Variants in PCA3 observed in about 807,000 individuals in gnomAD.
PCA3 encodes prostate cancer associated 3.
intron 2 of PCA3, among the ~76,000 whole-genome samples, chr9:76,774,637 T>C (rs1423804635): frequency 6.6e-6 from 1 of 151,842 alleles, no homozygotes; most frequent in Non-Finnish European, 1.5e-5. Context: ...TTTTGTGCTT[T>C]TAGTAGAGAT....
In PCA3 at chr9:76,780,685, C is replaced by T. The variant is rs545555955; in HGVS notation, n.853-27898C>T. 4.6e-5 allele frequency among the ~76,000 whole-genome samples: 7 copies of T among 152,044 alleles called. 1 individual carries two copies. In the South Asian group the frequency reaches 6.2e-4, roughly 14 times the overall value. Reference sequence around the variant, plus strand: ...CAGCCTGGGCGACAGAGCAAGACTCCGTCTCAAAAACAAACAAACAAACAA... The same window carrying T: ...CAGCCTGGGCGACAGAGCAAGACTCTGTCTCAAAAACAAACAAACAAACAA... On this transcript the variant is annotated intron_variant and non_coding_transcript_variant, in intron 2 of 5. Coordinates refer to ENST00000644657, the Ensembl canonical transcript of PCA3.
chr9:76,780,246 CAT>C (rs993857128), intron 2 of PCA3, among the ~76,000 whole-genome samples: 5 of 152,122 alleles, frequency 3.3e-5, no homozygotes, highest in African/African-American at 1.2e-4. Context: ...CCAGTAAACT[CAT>C]AATGAAGCAG....
rs377017118 is a variant in PCA3 at position 76,781,952 on chromosome 9, C to T, written n.853-26631C>T. 2.9e-4 allele frequency among the ~76,000 whole-genome samples: 44 copies of T among 152,194 alleles called. 1 individual carries two copies. In the South Asian group the frequency reaches 8.9e-3, roughly 31 times the overall value. ...AAGCCTGGCCGGGCGCGGTGGCTCA[C>T]GCCTGTAATCCCAGCACTTTGGGAG... On this transcript the variant is annotated intron_variant and non_coding_transcript_variant, in intron 2 of 5. Coordinates refer to ENST00000644657, the Ensembl canonical transcript of PCA3.
At chr9:76,779,726 CA>C (rs2054169599) in intron 2 of PCA3, 1 of 152,214 alleles carries the variant, frequency 6.6e-6, no homozygotes. Flanking sequence ...ATTTACTGTA[CA>C]GTTCATCAAC....
chr9:76,783,109 C>T (rs1183815078), intron 2 of PCA3, among the ~76,000 whole-genome samples: 1 of 152,108 alleles, frequency 6.6e-6, no homozygotes, highest in Non-Finnish European at 1.5e-5. Flanking sequence ...ACTTGATTAA[C>T]ATCAGTTGTA....
intron 2 of PCA3, among the ~76,000 whole-genome samples, chr9:76,765,486 AAT>A (rs2052250005): frequency 6.6e-6 from 1 of 152,246 alleles, no homozygotes; most frequent in Non-Finnish European, 1.5e-5. Flanking sequence ...AGGCATACAG[AAT>A]AGAGACAGGC....
chr9:76,781,134 A>ACCATGGTCACCTCTC (rs1312207889), intron 2 of PCA3, among the ~76,000 whole-genome samples: 3 of 152,020 alleles, frequency 2.0e-5, no homozygotes, highest in African/African-American at 7.3e-5. Context: ...CCTACTTCAA[A>ACCATGGTCACCTCTC]CCATGGTCAC....
At chr9:76,785,627 T>C (rs2054894952) in intron 2 of PCA3, 1 of 152,184 alleles carries the variant, frequency 6.6e-6, no homozygotes, top group Non-Finnish European at 1.5e-5. Flanking sequence ...GTGTTTGTCC[T>C]TGTAGTTAAT....
intron 2 of PCA3, among the ~76,000 whole-genome samples, chr9:76,770,381 G>A (rs546740533): frequency 1.8e-4 from 27 of 152,100 alleles, no homozygotes; most frequent in African/African-American, 6.5e-4. Context: ...AAGTGATAAA[G>A]TTTCTTTTTG....
chr9:76,785,446 A>G (rs2054878175), intron 2 of PCA3: 1 of 152,218 alleles, frequency 6.6e-6, no homozygotes, highest in Admixed American at 6.5e-5. Flanking sequence ...AGGGAACCTC[A>G]TAGTATCTTA....
At chr9:76,767,620 C>T (rs537719442) in intron 2 of PCA3, among the ~76,000 whole-genome samples, 1 of 152,250 alleles carries the variant, frequency 6.6e-6, no homozygotes, top group Admixed American at 6.5e-5. Flanking sequence ...TGTTTCCCTA[C>T]CTTCTTTGTT....
intron 2 of PCA3, among the ~76,000 whole-genome samples, chr9:76,769,670 C>A (rs2052875514): frequency 6.6e-6 from 1 of 152,184 alleles, no homozygotes; most frequent in South Asian, 2.1e-4. Context: ...GGTGATCCGC[C>A]CGCCTCAGGC....
In PCA3 at chr9:76,768,124, A is replaced by G. The variant is rs540134711; in HGVS notation, n.852+31509A>G. On this transcript the variant is annotated intron_variant and non_coding_transcript_variant, in intron 2 of 5. Transcript: ENST00000644657. ...ACGGCTGCCTGGTGAGGAGGATCACATAAGTCTAATTCCCCTCCCCAGAAA... is the reference window on the plus strand; with the variant it reads ...ACGGCTGCCTGGTGAGGAGGATCACGTAAGTCTAATTCCCCTCCCCAGAAA... Among the ~76,000 whole-genome samples, 5 of 152,062 alleles carry G rather than the reference A, an allele frequency of 3.3e-5. No homozygotes were observed. The East Asian group carries it at 9.7e-4, about 29-fold the overall frequency.
intron 2 of PCA3, among the ~76,000 whole-genome samples, chr9:76,776,892 AT>A (rs1187144423): frequency 4.6e-5 from 4 of 86,504 alleles, no homozygotes; most frequent in African/African-American, 2.9e-4. Flanking sequence ...ACCAAAACAC[AT>A]ACACACACAC....
chr9:76,774,450 C>CCTT (rs2053467196), intron 2 of PCA3, among the ~76,000 whole-genome samples: 1 of 41,402 alleles, frequency 2.4e-5, no homozygotes, highest in African/African-American at 1.9e-4. Flanking sequence ...CAGTTCAACC[C>CCTT]TTTTTTTTTT....
intron 2 of PCA3, among the ~76,000 whole-genome samples, chr9:76,779,388 C>T (rs1342954440): frequency 7.9e-5 from 12 of 152,108 alleles, no homozygotes; most frequent in African/African-American, 1.9e-4. Flanking sequence ...CCAAAGCCAA[C>T]GTCGAATTTT....
chr9:76,780,458 C>T (rs367923084), intron 2 of PCA3, among the ~76,000 whole-genome samples: 4 of 152,128 alleles, frequency 2.6e-5, no homozygotes, highest in African/African-American at 9.6e-5. Context: ...GAGGCCGAGG[C>T]GGGCGGATCA....
At chr9:76,768,607 GTGTGTGTGTGTGTGTGTA>G (rs2052726418) in intron 2 of PCA3, among the ~76,000 whole-genome samples, 5 of 151,412 alleles carry the variant, frequency 3.3e-5, no homozygotes, top group Admixed American at 6.6e-5. Context: ...GTGTGTGTGT[GTGTGTGTGTGTGTGTGTA>G]TATCCCTGCT....
chr9:76,764,538 G>C (rs1005127200), intron 2 of PCA3: 6 of 152,274 alleles, frequency 3.9e-5, no homozygotes, highest in Admixed American at 3.3e-4. Flanking sequence ...ATGGTGGGAA[G>C]GACCTGATGA....
Sources: allele counts gnomAD v4.1 joint callset (sites outside exome capture counted in the v4.1 genomes callset), GRCh38; gene constraint gnomAD v4.1.1; transcripts MANE v1.5; gene names NCBI Gene and HGNC (gene_info 2026-07-23, HGNC 2026-07-21).